Variants in SSBP2 observed in about 807,000 individuals in gnomAD.
SSBP2 encodes the protein single-stranded DNA-binding protein 2.
In SSBP2, 17 loss-of-function variants were observed where a neutral mutation model predicts 61.8. The ratio of observed to expected loss-of-function variants is 0.28; its 90% CI spans 0.19 to 0.41. The LOEUF is 0.41. SSBP2 is among the 10% of genes least tolerant of loss of function. SSBP2 has a pLI of 1.00. For missense variants in SSBP2, 310 were observed against 458.7 expected, an observed-to-expected ratio of 0.68 and a Z score of 2.96; for synonymous variants, 139 against 141.3, an observed-to-expected ratio of 0.98 and a Z score of 0.12.
chr5:81,716,899 A>T (rs1385918516), intron 1 of SSBP2, among the ~76,000 whole-genome samples: 1 of 152,216 alleles, frequency 6.6e-6, no homozygotes, highest in Non-Finnish European at 1.5e-5. Context: ...CTCTGAAAAG[A>T]CAGGTGAGGC....
At chr5:81,528,837 A>T (rs940663500) in intron 4 of SSBP2, among the ~76,000 whole-genome samples, 2 of 152,094 alleles carry the variant, frequency 1.3e-5, no homozygotes, top group Middle Eastern at 3.2e-3. Flanking sequence ...TTTAATCCAT[A>T]CAGCAATATA....
intron 4 of SSBP2, among the ~76,000 whole-genome samples, chr5:81,581,373 G>T (rs1200723006): frequency 6.6e-6 from 1 of 152,184 alleles, no homozygotes; most frequent in Non-Finnish European, 1.5e-5. Context: ...GATCCGAAAA[G>T]TCACTGTTAG....
At chr5:81,707,020 T>G (rs1734639972) in intron 1 of SSBP2, among the ~76,000 whole-genome samples, 1 of 152,160 alleles carries the variant, frequency 6.6e-6, no homozygotes, top group South Asian at 2.1e-4. Context: ...ATACGGGTTA[T>G]TTCCACAAAC....
At chr5:81,751,197 G>A (rs1301211987), upstream of SSBP2, 4 of 772,238 alleles carry the variant, frequency 5.2e-6, no homozygotes, top group African/African-American at 6.9e-5. Context: ...CAACGCGCGA[G>A]ACTGACAGGC....
At chr5:81,485,302 T>C (rs773760942) in intron 6 of SSBP2, among the ~76,000 whole-genome samples, 7 of 152,202 alleles carry the variant, frequency 4.6e-5, no homozygotes, top group Non-Finnish European at 1.0e-4. Context: ...TTTCCTTTCA[T>C]CATTTTAGAC....
chr5:81,641,399 T>C (rs902860717), intron 2 of SSBP2, among the ~76,000 whole-genome samples: 8 of 152,238 alleles, frequency 5.3e-5, no homozygotes, highest in Non-Finnish European at 4.4e-5. Flanking sequence ...CAATATTTTT[T>C]ACTACATAGT....
chr5:81,657,119 TG>T (rs1347817743), intron 1 of SSBP2, among the ~76,000 whole-genome samples: 1 of 152,234 alleles, frequency 6.6e-6, no homozygotes. Flanking sequence ...ACTTTTCTTT[TG>T]TTTGATTACT....
At chr5:81,701,001 GA>G (rs1753943535) in intron 1 of SSBP2, among the ~76,000 whole-genome samples, 1 of 152,108 alleles carries the variant, frequency 6.6e-6, no homozygotes, top group Admixed American at 6.5e-5. Context: ...TTTCCTTTAG[GA>G]AGCTTTTCTT....
intron 1 of SSBP2, among the ~76,000 whole-genome samples, chr5:81,738,136 G>A (rs1756745345): frequency 6.6e-6 from 1 of 152,106 alleles, no homozygotes; most frequent in African/African-American, 2.4e-5. Context: ...AAGCAAAACT[G>A]ATCTATGCTG....
chr5:81,545,952 C>A (rs1771697885), intron 4 of SSBP2, among the ~76,000 whole-genome samples: 2 of 152,154 alleles, frequency 1.3e-5, no homozygotes, highest in African/African-American at 4.8e-5. Flanking sequence ...TCCTTCCCTT[C>A]CTTTTCCCTA....
intron 6 of SSBP2, among the ~76,000 whole-genome samples, chr5:81,488,498 A>G (rs574545391): frequency 5.9e-5 from 9 of 152,198 alleles, no homozygotes; most frequent in South Asian, 4.1e-4. Context: ...TTCATACACT[A>G]TACCTGTTGG....
At chr5:81,494,226 C>CT (rs901697806) in intron 5 of SSBP2, among the ~76,000 whole-genome samples, 1 of 152,118 alleles carries the variant, frequency 6.6e-6, no homozygotes, top group Non-Finnish European at 1.5e-5. Flanking sequence ...AAGATCAAGG[C>CT]TATGCTTTTA....
At chr5:81,680,582 TG>T (rs988065019) in intron 1 of SSBP2, among the ~76,000 whole-genome samples, 7 of 152,024 alleles carry the variant, frequency 4.6e-5, no homozygotes, top group African/African-American at 1.4e-4. Flanking sequence ...AGATATACCA[TG>T]CTAATGCCAA....
upstream of SSBP2, chr5:81,751,341 C>T (rs575741056): frequency 1.9e-6 from 1 of 524,146 alleles, no homozygotes; most frequent in East Asian, 3.3e-5. Flanking sequence ...CACCCGCTCT[C>T]CTTCCCCCTC....
At chr5:81,542,711 A>G (rs1046242723) in intron 4 of SSBP2, among the ~76,000 whole-genome samples, 5 of 151,830 alleles carry the variant, frequency 3.3e-5, no homozygotes, top group Admixed American at 1.3e-4. Context: ...GTGTCGAGGG[A>G]AGGACCAGGT....
chr5:81,536,211 T>C (rs1164410382), intron 4 of SSBP2, among the ~76,000 whole-genome samples: 1 of 152,122 alleles, frequency 6.6e-6, no homozygotes. Context: ...ATGGCCAATA[T>C]GTAGATCAAT....
At chr5:81,513,487 C>A in intron 5 of SSBP2, 141 bp downstream of exon 5, 1 of 530,592 alleles carries the variant, frequency 1.9e-6, no homozygotes, top group Non-Finnish European at 3.4e-6. Context: ...TAATAGATAA[C>A]CCATCTGAAT....
In SSBP2 at chr5:81,428,600, A is replaced by G. The variant is rs1762097717; in HGVS notation, c.1041T>C (p.Pro347=). The G allele has an allele frequency of 1.2e-6, 2 of 1,612,478 alleles. No homozygotes were observed. The highest frequency in any genetic ancestry group is 1.3e-5 in the African/African-American group (1 of 74,998). Reference sequence around the variant, plus strand: ...GAATACTTACACTCTCACTCTGAAAAGGATTTAAGAAATTTCCCCCCATTT... The same window carrying G: ...GAATACTTACACTCTCACTCTGAAAGGGATTTAAGAAATTTCCCCCCATTT... The change falls in exon 16 of 17, where the codon CCT becomes CCC. Residue 347 remains proline (P), a synonymous_variant. Transcript: ENST00000320672.
rs546498140 is a variant in SSBP2 at position 81,727,897 on chromosome 5, T to C, written c.62+23084A>G. ...GTGAAACAAGGTACAGGGTGGAGAA[T>C]AAGGGAGGACCTACTTTAGAAAGGA... On this transcript the variant is annotated intron_variant, in intron 1 of 16. Coordinates refer to ENST00000320672, the MANE Select transcript of SSBP2 (RefSeq NM_012446.5). Among the ~76,000 whole-genome samples the C allele has an allele frequency of 5.3e-5, 8 of 152,102 alleles. No individual in the cohort carries two copies. In the East Asian group the frequency reaches 1.4e-3, roughly 26 times the overall value.
Sources: allele counts gnomAD v4.1 joint callset (sites outside exome capture counted in the v4.1 genomes callset), GRCh38; gene constraint gnomAD v4.1.1; transcripts MANE v1.5; gene names NCBI Gene and HGNC (gene_info 2026-07-23, HGNC 2026-07-21).